Variants in SLC28A3 observed in about 807,000 individuals in gnomAD.
SLC28A3 encodes concentrative Na(+)-nucleoside cotransporter 3.
Under a neutral mutation model 84.2 loss-of-function variants are expected in SLC28A3, and 68 were observed. The ratio of observed to expected loss-of-function variants is 0.81; its 90% CI spans 0.66 to 0.99. SLC28A3 has a LOEUF of 0.99. SLC28A3 is among the 50% of genes least tolerant of loss of function. The pLI is 0.00. For missense variants in SLC28A3, 712 were observed against 841.5 expected (o/e 0.85, Z 1.90); for synonymous variants, 267 against 303.6 (o/e 0.88, Z 1.25).
chr9:84,366,785 C>T, the SLC28A3 span, among the ~76,000 whole-genome samples: 18 of 152,310 alleles, frequency 1.2e-4, no homozygotes, highest in African/African-American at 2.2e-4. Flanking sequence ...GGGGGTGGAG[C>T]GACACAAGCA....
At chr9:84,303,059 G>C (rs79597828) in intron 4 of SLC28A3, among the ~76,000 whole-genome samples, 9,858 of 152,118 alleles carry the variant, frequency 0.065, 1,048 homozygotes, top group African/African-American at 0.22. Flanking sequence ...TAAAAATAAA[G>C]TCCTAAGTCA....
chr9:84,337,247 G>A (rs1328239967), intron 1 of SLC28A3, among the ~76,000 whole-genome samples: 1 of 152,104 alleles, frequency 6.6e-6, no homozygotes, highest in Non-Finnish European at 1.5e-5. Context: ...GGCAAGAAGA[G>A]CATATTATTC....
At chr9:84,284,119 C>G (rs1459005923) in intron 14 of SLC28A3, among the ~76,000 whole-genome samples, 1 of 152,200 alleles carries the variant, frequency 6.6e-6, no homozygotes, top group Non-Finnish European at 1.5e-5. Context: ...CCGGTTTGCT[C>G]ATTAACAAAA....
upstream of SLC28A3, among the ~76,000 whole-genome samples, chr9:84,342,381 C>T (rs112827447): frequency 3.0e-4 from 46 of 152,062 alleles, no homozygotes; most frequent in African/African-American, 1.1e-3. Context: ...CTTGGGAGCA[C>T]ATATTCAAGT....
chr9:84,335,367 C>A (rs1826934695), intron 1 of SLC28A3, among the ~76,000 whole-genome samples: 1 of 152,046 alleles, frequency 6.6e-6, no homozygotes, highest in Non-Finnish European at 1.5e-5. Flanking sequence ...ATAGCAAGAC[C>A]CTGTCTCTAC....
intron 2 of SLC28A3, 53 bp downstream of exon 2, chr9:84,313,306 G>C: frequency 1.3e-6 from 2 of 1,521,148 alleles, no homozygotes; most frequent in Admixed American, 3.6e-5. Flanking sequence ...TCAGGTGCCT[G>C]TTGCGCAGCG....
At chr9:84,336,805 C>A (rs115631888) in intron 1 of SLC28A3, among the ~76,000 whole-genome samples, 1,889 of 152,320 alleles carry the variant, frequency 0.012, 58 homozygotes, top group African/African-American at 0.041. Flanking sequence ...CTTCCTCCAT[C>A]CCAGGCTCAT....
chr9:84,362,010 T>C, the SLC28A3 span, among the ~76,000 whole-genome samples: 11 of 152,212 alleles, frequency 7.2e-5, no homozygotes, highest in Admixed American at 7.2e-4. Context: ...AGTGTTCCAG[T>C]ACTTCGTGTC....
chr9:84,306,022 T>C (rs140575382), intron 3 of SLC28A3, among the ~76,000 whole-genome samples: 202 of 152,186 alleles, frequency 1.3e-3, no homozygotes, highest in African/African-American at 4.6e-3. Flanking sequence ...GGTCATGTCT[T>C]CGGAGGAGGA....
intron 1 of SLC28A3, among the ~76,000 whole-genome samples, chr9:84,339,654 T>C (rs1827092488): frequency 1.3e-5 from 2 of 152,170 alleles, no homozygotes; most frequent in South Asian, 4.1e-4. Flanking sequence ...CCTAAGAGGG[T>C]AGATGAAGTT....
chr9:84,339,181 A>G (rs1827076574), intron 1 of SLC28A3, among the ~76,000 whole-genome samples: 1 of 152,068 alleles, frequency 6.6e-6, no homozygotes, highest in Admixed American at 6.6e-5. Context: ...AATGGTATAT[A>G]AGCTCCTGAG....
chr9:84,298,487 A>G (rs1276263029), intron 6 of SLC28A3, among the ~76,000 whole-genome samples: 2 of 149,808 alleles, frequency 1.3e-5, no homozygotes, highest in Non-Finnish European at 1.5e-5. Context: ...ACTCCATCTC[A>G]AGAAAAAAAC....
intron 1 of SLC28A3, among the ~76,000 whole-genome samples, chr9:84,317,219 A>G (rs1399539641): frequency 6.6e-6 from 1 of 152,158 alleles, no homozygotes; most frequent in African/African-American, 2.4e-5. Context: ...GGCCTGGTGA[A>G]GATCAAAAGA....
chr9:84,315,319 A>G (rs1826132973), intron 1 of SLC28A3, among the ~76,000 whole-genome samples: 1 of 152,202 alleles, frequency 6.6e-6, no homozygotes, highest in Non-Finnish European at 1.5e-5. Context: ...CCTACTGAGC[A>G]GGCCACATTC....
intron 1 of SLC28A3, among the ~76,000 whole-genome samples, chr9:84,327,901 G>A (rs915628113): frequency 7.0e-6 from 1 of 143,408 alleles, no homozygotes; most frequent in African/African-American, 2.7e-5. Context: ...ACTCCAGCCT[G>A]GGCAACAGAG....
intron 2 of SLC28A3, among the ~76,000 whole-genome samples, chr9:84,311,999 T>C (rs1207793452): frequency 1.3e-5 from 2 of 152,252 alleles, no homozygotes; most frequent in Admixed American, 1.3e-4. Flanking sequence ...TTAGATTGGC[T>C]TCTTTTACCC....
chr9:84,289,180 G>A (rs778092968), intron 11 of SLC28A3, among the ~76,000 whole-genome samples: 14 of 152,108 alleles, frequency 9.2e-5, no homozygotes, highest in Non-Finnish European at 1.8e-4. Context: ...TTCTACAGTG[G>A]GGATGGCATT....
the SLC28A3 span, among the ~76,000 whole-genome samples, chr9:84,365,735 T>G: frequency 6.6e-6 from 1 of 152,196 alleles, no homozygotes; most frequent in Non-Finnish European, 1.5e-5. Context: ...TTACTGTCTC[T>G]GTATATTTTC....
At chr9:84,309,349 C>G (rs1825902697) in intron 3 of SLC28A3, among the ~76,000 whole-genome samples, 1 of 151,468 alleles carries the variant, frequency 6.6e-6, no homozygotes, top group Non-Finnish European at 1.5e-5. Context: ...ATGGTGAAAC[C>G]CAGCCTCTAC....
Sources: gnomAD v4.1 joint callset for allele counts (sites outside exome capture counted in the v4.1 genomes callset) on GRCh38, gnomAD v4.1.1 for gene constraint, MANE v1.5 for transcripts, NCBI Gene and HGNC (gene_info 2026-07-23, HGNC 2026-07-21) for gene names.